The following BCAR1 variants were observed in gnomAD, a reference collection of about 807,000 sequenced individuals.
The protein encoded by BCAR1 is breast cancer anti-estrogen resistance protein 1.
BCAR1 carries 30 observed loss-of-function variants against 67.6 expected under a neutral mutation model. The observed-to-expected ratio is 0.44, with a 90% confidence interval of 0.33 to 0.60. BCAR1 has a LOEUF of 0.60. Ranked by LOEUF, BCAR1 falls within the 20% of genes least tolerant of loss-of-function variation. The pLI is 0.02. For synonymous variants in BCAR1, 626 were observed against 556.7 expected (o/e 1.12, Z -1.75); for missense variants, 1,313 against 1,222.3 (o/e 1.07, Z -1.11).
At chr16:75,263,262 G>C in intron 1 of BCAR1, 1 of 985,440 alleles carries the variant, frequency 1.0e-6, no homozygotes, top group Non-Finnish European at 1.2e-6. Context: ...CAGGGCTGGG[G>C]GTGGCCAGCA....
intron 1 of BCAR1, chr16:75,245,964 C>CTTTCTTTTT (rs2077505952): frequency 2.0e-5 from 1 of 49,634 alleles, no homozygotes; most frequent in African/African-American, 7.6e-5. Context: ...TAGGATTGTT[C>CTTTCTTTTT]TTTTTTTTTT....
intron 1 of BCAR1, chr16:75,265,938 TTCCGGCTCC>T (rs982628118): frequency 5.3e-5 from 58 of 1,089,470 alleles, no homozygotes; most frequent in Middle Eastern, 4.0e-4. Context: ...TCCCGGCGCT[TTCCGGCTCC>T]TCCGGCTCCT....
upstream of BCAR1, chr16:75,251,683 G>A: frequency 1.0e-6 from 1 of 994,284 alleles, no homozygotes; most frequent in Non-Finnish European, 1.2e-6. Context: ...AGCATGCCCG[G>A]CCGCGCGCGC....
Position 75,229,579 on chromosome 16 carries a change from T to C in BCAR1, c.2545A>G (p.Arg849Gly). 1 of 1,610,444 alleles carries C rather than the reference T, an allele frequency of 6.2e-7. No individual in the cohort carries two copies. The highest frequency in any genetic ancestry group is 8.5e-7 in the Non-Finnish European group (1 of 1,179,216). Residue 849 changes from arginine to glycine, a missense_variant, in exon 7 of 7, where the codon AGG (arginine) becomes GGG (glycine). Arg to Gly is a moderately radical substitution (Grantham distance 125). Transcript: ENST00000162330. ...GTGCTGTGGCCCAGCTCCTTGACCCTCTCCACCATGTCCTGGGCCGCGGAA... is the reference window on the plus strand; with the variant it reads ...GTGCTGTGGCCCAGCTCCTTGACCCCCTCCACCATGTCCTGGGCCGCGGAA... ...SPSAAQDMVE[R>G]VKELGHSTQQ...
At chr16:75,264,024 G>C in intron 1 of BCAR1, 3 of 1,215,830 alleles carry the variant, frequency 2.5e-6, no homozygotes, top group Non-Finnish European at 3.1e-6. Flanking sequence ...AATTCTCCTG[G>C]GCTGTGACTA....
At chr16:75,232,521 C>T (rs1295529691) in intron 6 of BCAR1, among the ~76,000 whole-genome samples, 1 of 152,174 alleles carries the variant, frequency 6.6e-6, no homozygotes, top group African/African-American at 2.4e-5. Flanking sequence ...GTCTCAAACC[C>T]TTGGCCTCAA....
chr16:75,232,166 TTTTA>T, intron 6 of BCAR1, among the ~76,000 whole-genome samples: 1 of 151,264 alleles, frequency 6.6e-6, no homozygotes, highest in South Asian at 2.1e-4. Flanking sequence ...AACAATTTTA[TTTTA>T]TTTTTTTTGA....
chr16:75,251,004 C>A, intron 1 of BCAR1: 1 of 985,726 alleles, frequency 1.0e-6, no homozygotes, highest in Non-Finnish European at 1.2e-6. Flanking sequence ...ACGCACTTGC[C>A]CGCCCGGCCT....
In BCAR1 at chr16:75,267,953, C is replaced by G. The variant is rs985296714; in HGVS notation, c.28G>C (p.Ala10Pro). ...TCCTTGGGTGTGGGCCTGGGGGCAG[C>G]CAGAGGAGCCTCACCAGGGCAGTGC... The change falls in exon 1 of 7, where the codon GCT (alanine) becomes CCT (proline). Residue 10 changes from alanine to proline, a missense_variant. Ala to Pro is a conservative substitution (Grantham distance 27, BLOSUM62 -1). Transcript: ENST00000393422. 3.7e-6 allele frequency: 6 copies of G among 1,602,286 alleles called. No homozygotes were observed. In the African/African-American group the frequency reaches 8.0e-5, roughly 21 times the overall value.
At chr16:75,252,734 G>A (rs1229444634), upstream of BCAR1, among the ~76,000 whole-genome samples, 1 of 152,230 alleles carries the variant, frequency 6.6e-6, no homozygotes, top group Non-Finnish European at 1.5e-5. Context: ...ATGGCCTATG[G>A]AAGACACAAG....
chr16:75,265,998 C>T (rs1228599650), intron 1 of BCAR1: 7 of 1,040,532 alleles, frequency 6.7e-6, no homozygotes, highest in Non-Finnish European at 8.1e-6. Context: ...GCTCCAGCCG[C>T]GCCGCGCATG....
intron 1 of BCAR1, among the ~76,000 whole-genome samples, chr16:75,245,608 G>A (rs115668391): frequency 0.013 from 1,966 of 152,340 alleles, 41 homozygotes; most frequent in African/African-American, 0.045. Context: ...CTCACTGATC[G>A]GCCACAGCCC....
chr16:75,228,419 C>T lies in BCAR1; in HGVS notation c.*1092G>A, dbSNP rs1203075767. 1.3e-5 allele frequency: 2 copies of T among 152,312 alleles called. No homozygotes were observed. The highest frequency in any genetic ancestry group is 4.8e-5 in the African/African-American group (2 of 41,460). The allele number at this position is 152,312 out of a possible 1,614,324, so 9.4% of individuals were successfully genotyped here. A position where few individuals can be genotyped will look rare whatever the true frequency, so the allele number is the denominator to read the frequency against. On this transcript the variant is annotated 3_prime_UTR_variant, in exon 7 of 7. Coordinates refer to ENST00000162330, the MANE Select transcript of BCAR1 (RefSeq NM_014567.5). ...GGAGCAGCACCAGGGGTTCCAAGCA[C>T]CCTGAAGCTTCCATCTGGGCTGCGG... is the stretch of plus-strand genomic sequence containing the variant.
At chr16:75,236,446 G>GCAC (rs1337482084) in intron 4 of BCAR1, 3 of 333,082 alleles carry the variant, frequency 9.0e-6, no homozygotes, top group African/African-American at 2.2e-5. Context: ...TTACCACCCA[G>GCAC]CACCACCACC....
At chr16:75,266,616 G>A in intron 1 of BCAR1, 1 of 840,268 alleles carries the variant, frequency 1.2e-6, no homozygotes. Context: ...TGCAGCCACT[G>A]GGCACGTGCA....
At chr16:75,233,324 G>C (rs2076966349) in intron 6 of BCAR1, among the ~76,000 whole-genome samples, 1 of 151,916 alleles carries the variant, frequency 6.6e-6, no homozygotes, top group South Asian at 2.1e-4. Flanking sequence ...AGTGAGTTGA[G>C]ATCGCATCAC....
intron 4 of BCAR1, chr16:75,236,198 T>C (rs914867510): frequency 1.8e-5 from 11 of 610,300 alleles, no homozygotes; most frequent in African/African-American, 1.7e-4. Flanking sequence ...AGCACACACA[T>C]CCTTCACAAT....
In BCAR1 at chr16:75,242,656, C is replaced by T. The variant is rs774063223; in HGVS notation, c.447G>A (p.Ser149=). 3.3e-6 allele frequency: 5 copies of T among 1,524,874 alleles called. No homozygotes were observed. Among genetic ancestry groups the T allele is most frequent in the East Asian group, 2.3e-5 (1 of 43,736 alleles). 94.5% of individuals were successfully genotyped at this position (1,524,874 alleles called of 1,614,324 possible). Residue 149 remains serine, a synonymous_variant, in exon 2 of 7, where the codon TCG becomes TCA. Coordinates refer to ENST00000162330, the MANE Select transcript of BCAR1 (RefSeq NM_014567.5). ...SPPAKQTSTF[S]KQTPHHPFPS... Reference sequence around the variant, plus strand: ...GAAACGGGTGATGGGGTGTCTGCTTCGAGAAGGTGGATGTCTGCTTGGCTG... The same window carrying T: ...GAAACGGGTGATGGGGTGTCTGCTTTGAGAAGGTGGATGTCTGCTTGGCTG...
Position 75,235,713 on chromosome 16 carries a change from G to A in BCAR1, c.1186C>T (p.Pro396Ser), listed in dbSNP as rs763231803. 3.7e-6 allele frequency: 6 copies of A among 1,609,700 alleles called. No individual in the cohort carries two copies. Among genetic ancestry groups the A allele is most frequent in the Non-Finnish European group, 5.1e-6 (6 of 1,177,902 alleles). The change falls in exon 5 of 7, where the codon CCT becomes TCT. Residue 396 changes from proline to serine, a missense_variant. Pro to Ser is a moderately conservative substitution (Grantham distance 74). This residue lies in a region of BCAR1 where 1,272 missense variants were observed against 1,137.5 expected (regional missense o/e 1.12). Transcript: ENST00000162330. ...ACGCCACCATCAGCCACCTCAGGAG[G>A]AAGCACCCGTTCACGGGGCACATCG... ...LYDVPRERVL[P>S]PEVADGGVVD...
Sources: gnomAD v4.1 joint callset for allele counts (sites outside exome capture counted in the v4.1 genomes callset) on GRCh38, gnomAD v4.1.1 for gene constraint, gnomAD v4.1.1 regional missense constraint, MANE v1.5 for transcripts, NCBI Gene and HGNC (gene_info 2026-07-23, HGNC 2026-07-21) for gene names.